Variants in ABCB7 observed in about 807,000 individuals in gnomAD.
ABCB7 encodes the protein iron-sulfur clusters transporter ABCB7, mitochondrial.
Under a neutral mutation model 54.4 loss-of-function variants are expected in ABCB7, and 7 were observed. That is an observed-to-expected ratio of 0.13 (90% CI 0.07 to 0.24). The LOEUF is 0.24. Among genes scored for constraint, ABCB7 ranks in the 10% least tolerant of loss-of-function variants. The pLI is 1.00. For synonymous variants in ABCB7, 218 were observed against 207.1 expected (o/e 1.05, Z -0.45); for missense variants, 356 against 570.4 (o/e 0.62, Z 3.83).
At position 75,129,908 on chromosome X, in the gene ABCB7, C is replaced by G. The variant is rs999406092; in HGVS notation, c.169-15077G>C. Among the ~76,000 whole-genome samples, 10 of 111,144 alleles carry G rather than the reference C, an allele frequency of 9.0e-5. No individual in the cohort carries two copies. In the Admixed American group the frequency reaches 9.6e-4, roughly 11 times the overall value. ...TATTTGGCTATTCTAATGCCCAATA[C>G]TACATTATCTCATTTCATTCTCACT... On this transcript the variant is annotated intron_variant, in intron 1 of 15. Coordinates refer to ENST00000373394, the MANE Select transcript of ABCB7 (RefSeq NM_001271696.3).
intron 1 of ABCB7, among the ~76,000 whole-genome samples, chrX:75,135,169 A>T (rs2082001045): frequency 9.1e-6 from 1 of 110,115 alleles, no homozygotes; most frequent in Admixed American, 9.7e-5. Context: ...ATATTAAAAA[A>T]AAAAAACCCT....
At chrX:75,150,210 C>A (rs1201441234) in intron 1 of ABCB7, among the ~76,000 whole-genome samples, 2 of 111,121 alleles carry the variant, frequency 1.8e-5, no homozygotes, top group Non-Finnish European at 3.8e-5. Context: ...GAGGCCATTG[C>A]TACTACAAAG....
At chrX:75,111,396 C>T (rs2081759546) in intron 3 of ABCB7, among the ~76,000 whole-genome samples, 1 of 112,311 alleles carries the variant, frequency 8.9e-6, no homozygotes, top group South Asian at 3.7e-4. Flanking sequence ...GTGTCAAGCA[C>T]TATTTAAGAG....
intron 1 of ABCB7, among the ~76,000 whole-genome samples, chrX:75,155,585 T>C (rs2082167880): frequency 9.0e-6 from 1 of 111,699 alleles, no homozygotes; most frequent in Non-Finnish European, 1.9e-5. Context: ...GTCTATGTTT[T>C]GGAAAGATAG....
intron 3 of ABCB7, among the ~76,000 whole-genome samples, chrX:75,103,449 C>T (rs149313829): frequency 0.029 from 3,209 of 110,792 alleles, 116 homozygotes; most frequent in African/African-American, 0.1. Context: ...TATATTTGGA[C>T]TCCCTATTCT....
At chrX:75,109,982 C>G (rs1378454336) in intron 3 of ABCB7, among the ~76,000 whole-genome samples, 1 of 111,879 alleles carries the variant, frequency 8.9e-6, no homozygotes, top group Non-Finnish European at 1.9e-5. Context: ...TGGAGAGATA[C>G]ATATAGTGAA....
intron 1 of ABCB7, among the ~76,000 whole-genome samples, chrX:75,147,397 T>C (rs764077276): frequency 7.2e-5 from 8 of 111,662 alleles, no homozygotes; most frequent in Non-Finnish European, 1.3e-4. Context: ...CCATTCACAA[T>C]AGCAAACACA....
chrX:75,141,689 A>C, intron 1 of ABCB7, among the ~76,000 whole-genome samples: 1 of 111,774 alleles, frequency 8.9e-6, no homozygotes, highest in Middle Eastern at 4.7e-3. Flanking sequence ...TGTTTCCTTA[A>C]GACAGTTTCT....
intron 4 of ABCB7, among the ~76,000 whole-genome samples, chrX:75,096,491 A>G (rs1042768975): frequency 2.2e-4 from 24 of 111,475 alleles, no homozygotes; most frequent in Non-Finnish European, 3.6e-4. Flanking sequence ...GAACACATTA[A>G]TCAAAGGTAC....
chrX:75,108,338 C>T lies in ABCB7; in HGVS notation c.333+4548G>A, dbSNP rs147426112. ...AATGTGGGCCTGGCTGGCTTTGCCACCTGCTGACTGCATAGTCCCAGGGAC... is the reference window on the plus strand; with the variant it reads ...AATGTGGGCCTGGCTGGCTTTGCCATCTGCTGACTGCATAGTCCCAGGGAC... On this transcript the variant is annotated intron_variant, in intron 3 of 15. Coordinates refer to ENST00000373394, the MANE Select transcript of ABCB7 (RefSeq NM_001271696.3). 3.7e-3 allele frequency among the ~76,000 whole-genome samples: 415 copies of T among 111,468 alleles called. 3 individuals are homozygous for T. Among genetic ancestry groups the T allele is most frequent in the African/African-American group, 0.013 (393 of 30,631 alleles).
At chrX:75,125,675 G>A (rs1376863864) in intron 1 of ABCB7, among the ~76,000 whole-genome samples, 2 of 110,960 alleles carry the variant, frequency 1.8e-5, no homozygotes, top group African/African-American at 6.5e-5. Context: ...CAAGCCTGAG[G>A]TTTCTAATTC....
intron 1 of ABCB7, among the ~76,000 whole-genome samples, chrX:75,124,214 CA>C (rs2081905282): frequency 9.0e-6 from 1 of 111,430 alleles, no homozygotes; most frequent in Admixed American, 9.5e-5. Flanking sequence ...AGCACCACCA[CA>C]AAAAAGCAAC....
chrX:75,067,479 CCTTTTTTTTT>C (rs1373988648), intron 12 of ABCB7, among the ~76,000 whole-genome samples: 1 of 110,735 alleles, frequency 9.0e-6, no homozygotes. Flanking sequence ...GTTTCTTTTT[CCTTTTTTTTT>C]CTTTTTTATT....
chrX:75,143,813 A>G (rs770787528), intron 1 of ABCB7, among the ~76,000 whole-genome samples: 1 of 111,057 alleles, frequency 9.0e-6, no homozygotes, highest in East Asian at 2.8e-4. Context: ...CAGCACAAAA[A>G]AAGACTTGTC....
chrX:75,078,247 GC>G (rs2147474599), intron 4 of ABCB7, among the ~76,000 whole-genome samples: 1 of 110,724 alleles, frequency 9.0e-6, no homozygotes, highest in Non-Finnish European at 1.9e-5. Flanking sequence ...ACTCTTCAAA[GC>G]CCAATTTTAA....
intron 4 of ABCB7, among the ~76,000 whole-genome samples, chrX:75,095,438 C>T (rs1298024128): frequency 3.5e-5 from 4 of 112,710 alleles, no homozygotes; most frequent in Non-Finnish European, 7.5e-5. Flanking sequence ...TTATAAAACA[C>T]ACCTGCAATA....
At chrX:75,095,404 A>G (rs993635508) in intron 4 of ABCB7, among the ~76,000 whole-genome samples, 2 of 112,538 alleles carry the variant, frequency 1.8e-5, no homozygotes, top group African/African-American at 6.4e-5. Context: ...ATAAAAGGGG[A>G]TAACAATCCA....
chrX:75,138,142 C>T (rs954740324), intron 1 of ABCB7, among the ~76,000 whole-genome samples: 3 of 111,000 alleles, frequency 2.7e-5, no homozygotes, highest in Non-Finnish European at 3.8e-5. Flanking sequence ...AACATCACTT[C>T]GCATCCACCA....
At chrX:75,059,749 C>CT (rs2147448243) in intron 15 of ABCB7, among the ~76,000 whole-genome samples, 1 of 111,595 alleles carries the variant, frequency 9.0e-6, no homozygotes, top group Admixed American at 9.5e-5. Context: ...AGCAGGCTAT[C>CT]TTTTTTCTTA....
Sources: allele counts gnomAD v4.1 joint callset (sites outside exome capture counted in the v4.1 genomes callset), GRCh38; gene constraint gnomAD v4.1.1; transcripts MANE v1.5; gene names NCBI Gene and HGNC (gene_info 2026-07-23, HGNC 2026-07-21).